The following EPB42 variants were observed in gnomAD, a reference collection of about 807,000 sequenced individuals.
The protein encoded by EPB42 is protein 4.2.
In EPB42, 49 loss-of-function variants were observed where a neutral mutation model predicts 76.9. The observed-to-expected ratio is 0.64, with a 90% CI of 0.51 to 0.81. The LOEUF is 0.81. EPB42 is among the 30% of genes least tolerant of loss of function. The pLI is 0.00. For synonymous variants in EPB42, 310 were observed against 338.4 expected, an observed-to-expected ratio of 0.92 and a Z score of 0.92; for missense variants, 731 against 867.6, an observed-to-expected ratio of 0.84 and a Z score of 1.98.
rs760670554 is a variant in EPB42, at chr15:43,197,420, T to A, written c.1958A>T (p.Gln653Leu). 1.9e-6 allele frequency: 3 copies of A among 1,614,038 alleles called. No individual in the cohort carries two copies. In the African/African-American group the frequency reaches 4.0e-5, roughly 22 times the overall value. The change falls in exon 13 of 13, where the codon CAG (glutamine) becomes CTG (leucine). Residue 653 changes from glutamine to leucine, a missense_variant. By Grantham distance (113) the Gln-to-Leu change is moderately radical. Coordinates refer to ENST00000441366, the MANE Select transcript of EPB42 (RefSeq NM_001114134.2). ...GAGCCCCACATGTGTTGGCGTGAACTGGAACTTGGCACACATGGTGTTTTC... is the reference window on the plus strand; with the variant it reads ...GAGCCCCACATGTGTTGGCGTGAACAGGAACTTGGCACACATGGTGTTTTC... Reference protein sequence around the residue: ...WPENTMCAKFQFTPTHVGLQR... With the variant: ...WPENTMCAKFLFTPTHVGLQR...
upstream of EPB42, among the ~76,000 whole-genome samples, chr15:43,221,821 TAAAAAAAAAAA>T (rs56939497): frequency 1.9e-5 from 2 of 107,472 alleles, no homozygotes; most frequent in South Asian, 2.9e-4. Flanking sequence ...TCTTATTATG[TAAAAAAAAAAA>T]AAAAAAAAAA....
rs954127353 is a variant in EPB42, at chr15:43,206,238, G to T, written c.1618+92C>A. ...GGGCTCAAAGCCATCTCTAGAGACT[G>T]CAGGGGGTGCCCTGTGGCTGCTGCC... On this transcript the variant is annotated intron_variant, in intron 10 of 12. Transcript: ENST00000441366. This position sits in a 1 kb window ranked among gnomAD's most constrained non-coding sequence, Gnocchi z 4.7. The T allele has an allele frequency of 7.3e-7, 1 of 1,362,284 alleles. No homozygotes were observed. Among genetic ancestry groups the T allele is most frequent in the East Asian group, 2.5e-5 (1 of 40,372 alleles). The allele number at this position is 1,362,284 out of a possible 1,614,324, so 84.4% of individuals were successfully genotyped here.
chr15:43,216,552 C>T (rs527999820), intron 1 of EPB42, 99 bp from the exon 2 acceptor site: 35 of 1,343,916 alleles, frequency 2.6e-5, no homozygotes, highest in South Asian at 2.1e-4. Flanking sequence ...TTCTAATCCT[C>T]GGCTCCACTT....
upstream of EPB42, among the ~76,000 whole-genome samples, chr15:43,225,637 T>C (rs1196438468): frequency 6.6e-6 from 1 of 152,202 alleles, no homozygotes; most frequent in African/African-American, 2.4e-5. Flanking sequence ...GGAGCTTCTA[T>C]TCCAGCAGGG....
chr15:43,203,695 T>TC (rs976536051), intron 10 of EPB42, among the ~76,000 whole-genome samples: 2 of 151,968 alleles, frequency 1.3e-5, no homozygotes, highest in South Asian at 2.1e-4. Flanking sequence ...GGATGAGGTA[T>TC]CCCCCCTGCC....
intron 3 of EPB42, 34 bp downstream of exon 3, chr15:43,215,061 C>T (rs780467533): frequency 9.5e-6 from 15 of 1,582,382 alleles, no homozygotes; most frequent in Non-Finnish European, 1.3e-5. Context: ...CTGGAGTCTC[C>T]ATGCAGCCCA....
intron 10 of EPB42, among the ~76,000 whole-genome samples, chr15:43,204,669 C>T (rs564381072): frequency 1.2e-4 from 18 of 152,284 alleles, no homozygotes; most frequent in African/African-American, 4.1e-4. Context: ...TTCACAAGCC[C>T]CATCTATCTC....
chr15:43,202,412 G>T (rs2042140119), intron 11 of EPB42, among the ~76,000 whole-genome samples: 1 of 152,122 alleles, frequency 6.6e-6, no homozygotes, highest in Non-Finnish European at 1.5e-5. Context: ...GTCTTCAGTG[G>T]CCTTCCCCTA....
chr15:43,223,697 C>T (rs375951628), upstream of EPB42, among the ~76,000 whole-genome samples: 34 of 152,062 alleles, frequency 2.2e-4, no homozygotes, highest in East Asian at 3.9e-3. Flanking sequence ...GGTGCAGCCT[C>T]GGCTGGGCGC....
chr15:43,210,439 A>G lies in EPB42; in HGVS notation c.550T>C (p.Phe184Leu). 1 of 1,613,230 alleles carries G rather than the reference A, an allele frequency of 6.2e-7. No homozygotes were observed. The highest frequency in any genetic ancestry group is 1.1e-5 in the South Asian group (1 of 91,074). Residue 184 changes from phenylalanine (F) to leucine (L), a missense_variant and splice_region_variant, in exon 5 of 13, where the codon TTC becomes CTC. By Grantham distance (22) the Phe-to-Leu change is conservative. Transcript: ENST00000441366. The part of the protein sequence containing the change: ...IQAESWDFGQ[F>L]EGDVIDLSLR... ...CTGAGGTCAATGACATCCCCCTCGA[A>G]CTGTTAAGGATCACACAGGGCCATG...
At chr15:43,208,935 G>C (rs909578453) in intron 6 of EPB42, among the ~76,000 whole-genome samples, 160 bp from the exon 7 acceptor site, 1 of 152,162 alleles carries the variant, frequency 6.6e-6, no homozygotes, top group African/African-American at 2.4e-5. Flanking sequence ...ATGCATGAAG[G>C]CTGATCAATA....
chr15:43,203,189 T>C lies in EPB42; in HGVS notation c.1705A>G (p.Thr569Ala), dbSNP rs2042151871. The change falls in exon 11 of 13, where the codon ACA (threonine) becomes GCA (alanine). Residue 569 changes from threonine to alanine, a missense_variant. Coordinates refer to ENST00000441366, the MANE Select transcript of EPB42 (RefSeq NM_001114134.2). ...NTFLRLTAMATHSESNLSCFA... is the reference protein window; with the variant it reads ...NTFLRLTAMAAHSESNLSCFA... ...CAGCTAAGGTTGGATTCAGAGTGTG[T>C]TGCCATGGCGGTGAGTCTAAGGAAG... 2 of 1,613,842 alleles carry C rather than the reference T, an allele frequency of 1.2e-6. No individual in the cohort carries two copies. Among genetic ancestry groups the C allele is most frequent in the Admixed American group, 1.7e-5 (1 of 59,972 alleles).
Position 43,210,494 on chromosome 15 carries a change from A to C in EPB42, c.550-55T>G. Reference sequence around the variant, plus strand: ...AGGGTCCCCACACAGGGCCATGAGGAAGGGTCCCCAGGTCAGGCACTCATC... The same window carrying C: ...AGGGTCCCCACACAGGGCCATGAGGCAGGGTCCCCAGGTCAGGCACTCATC... On this transcript the variant is annotated intron_variant, in intron 4 of 12. Coordinates refer to ENST00000441366, the MANE Select transcript of EPB42 (RefSeq NM_001114134.2). 5 of 1,530,430 alleles carry C rather than the reference A, an allele frequency of 3.3e-6. No individual in the cohort carries two copies. The Admixed American group carries it at 8.4e-5, about 26-fold the overall frequency. 94.8% of individuals were successfully genotyped at this position (1,530,430 alleles called of 1,614,324 possible).
At chr15:43,221,029 T>G, upstream of EPB42, 1 of 596,918 alleles carries the variant, frequency 1.7e-6, no homozygotes, top group Non-Finnish European at 3.0e-6. Flanking sequence ...ACTCCCTCTC[T>G]GCTGGTATCT....
At chr15:43,200,113 G>A (rs958933009) in intron 12 of EPB42, among the ~76,000 whole-genome samples, 1 of 152,188 alleles carries the variant, frequency 6.6e-6, no homozygotes, top group African/African-American at 2.4e-5. Context: ...TATGTCAGCA[G>A]GTGGTGTTTG....
chr15:43,213,133 TATTTTTTTG>T (rs1162284749), intron 3 of EPB42, among the ~76,000 whole-genome samples: 1 of 152,148 alleles, frequency 6.6e-6, no homozygotes, highest in African/African-American at 2.4e-5. Context: ...TTTTATTTTT[TATTTTTTTG>T]GAAATTACTT....
chr15:43,219,133 G>A (rs1370536318), intron 1 of EPB42, among the ~76,000 whole-genome samples: 4 of 152,122 alleles, frequency 2.6e-5, no homozygotes, highest in Admixed American at 6.5e-5. Context: ...TGTAAACTAC[G>A]CCCCCTGTGG....
At chr15:43,210,981 G>A (rs1234354649) in intron 4 of EPB42, among the ~76,000 whole-genome samples, 1 of 152,182 alleles carries the variant, frequency 6.6e-6, no homozygotes, top group African/African-American at 2.4e-5. Context: ...AAGGCTTCGA[G>A]AAGGTCTTGA....
chr15:43,213,997 A>C (rs916124796), intron 3 of EPB42, among the ~76,000 whole-genome samples: 2 of 152,136 alleles, frequency 1.3e-5, no homozygotes, highest in Non-Finnish European at 2.9e-5. Context: ...CCACCTCCCC[A>C]TGTTTCCGTC....
Sources: allele counts gnomAD v4.1 joint callset (sites outside exome capture counted in the v4.1 genomes callset), GRCh38; gene constraint gnomAD v4.1.1; non-coding constraint Gnocchi (gnomAD v3.1); transcripts MANE v1.5; gene names NCBI Gene and HGNC (gene_info 2026-07-23, HGNC 2026-07-21).